PCSK6: variants seen among roughly 807,000 people sequenced by gnomAD.
PCSK6 encodes the protein proprotein convertase subtilisin/kexin type 6.
Under a neutral mutation model 123.3 loss-of-function variants are expected in PCSK6, and 85 were observed. That is an observed-to-expected ratio of 0.69 (90% CI 0.58 to 0.83). The LOEUF is 0.83. Ranked by LOEUF, PCSK6 falls within the 40% of genes least tolerant of loss-of-function variation. The pLI is 0.00. For synonymous variants in PCSK6, 508 were observed against 516.0 expected (o/e 0.98, Z 0.21); for missense variants, 1,191 against 1,282.3 (o/e 0.93, Z 1.09).
chr15:101,401,055 T>C (rs1207462051), intron 6 of PCSK6, among the ~76,000 whole-genome samples: 1 of 152,206 alleles, frequency 6.6e-6, no homozygotes, highest in Non-Finnish European at 1.5e-5. Flanking sequence ...GGGCTCGGCA[T>C]GTTGACCTTA....
rs2039698970 is a variant in PCSK6, at chr15:101,305,336, C to G, written c.2832G>C (p.Glu944Asp). 6.2e-7 allele frequency: 1 copy of G among 1,612,612 alleles called. No individual in the cohort carries two copies. The highest frequency in any genetic ancestry group is 1.3e-5 in the African/African-American group (1 of 74,930). Residue 944 changes from glutamate (E) to aspartate (D), a missense_variant, in exon 22 of 22, where the codon GAG (glutamate) becomes GAC (aspartate). This residue lies in a region of PCSK6 where 630 missense variants were observed against 631.4 expected (regional missense o/e 1.00). Coordinates refer to ENST00000611716, the MANE Select transcript of PCSK6 (RefSeq NM_002570.5). The surrounding 1 kb of genome is among the most constrained non-coding windows in gnomAD (Gnocchi z 4.8). ...CGCACAGCCGGTTGGACTTCACCAT[C>G]TCGCAGAATGTCTCGTCAGCTGGGG... ...TCSNADETFC[E>D]MVKSNRLCER... is the part of the protein sequence containing the mutation.
At position 101,330,350 on chromosome 15, in the gene PCSK6, G is replaced by A. The variant is rs187919123; in HGVS notation, c.2077+1301C>T. Among the ~76,000 whole-genome samples the A allele has an allele frequency of 1.1e-3, 164 of 152,316 alleles. 1 individual carries two copies. The highest frequency in any genetic ancestry group is 3.7e-3 in the African/African-American group (152 of 41,572). ...TGGCAACTGCTCTCTTGCCCAAAGAGTCCAGGTGCAGCCTCCACTGGCCTG... is the reference window on the plus strand; with the variant it reads ...TGGCAACTGCTCTCTTGCCCAAAGAATCCAGGTGCAGCCTCCACTGGCCTG... On this transcript the variant is annotated intron_variant, in intron 15 of 21. Coordinates refer to ENST00000611716, the MANE Select transcript of PCSK6 (RefSeq NM_002570.5).
At chr15:101,467,211 C>T (rs1261406563) in intron 1 of PCSK6, among the ~76,000 whole-genome samples, 1 of 152,020 alleles carries the variant, frequency 6.6e-6, no homozygotes, top group Non-Finnish European at 1.5e-5. Context: ...AGGCACACAC[C>T]CCAAAGAAAC....
At chr15:101,316,944 C>G (rs969241605) in intron 19 of PCSK6, among the ~76,000 whole-genome samples, 1 of 121,608 alleles carries the variant, frequency 8.2e-6, no homozygotes, top group African/African-American at 3.9e-5. Context: ...GAGTCTTACT[C>G]TGTCGCCCAG....
At chr15:101,408,166 G>T (rs1488795845) in intron 6 of PCSK6, among the ~76,000 whole-genome samples, 1 of 152,214 alleles carries the variant, frequency 6.6e-6, no homozygotes, top group Admixed American at 6.5e-5. Context: ...AGTACGGCAA[G>T]GAACCCTAGA....
chr15:101,398,883 C>CTATTATTATTATTAT lies in PCSK6; in HGVS notation c.824-322_824-308dup, dbSNP rs199661913. 5.4e-3 allele frequency among the ~76,000 whole-genome samples: 819 copies of CTATTATTATTATTAT among 150,670 alleles called. 11 individuals carry two copies. The highest frequency in any genetic ancestry group is 0.019 in the African/African-American group (780 of 40,848). On this transcript the variant is annotated intron_variant, in intron 6 of 21. Transcript: ENST00000611716. The surrounding 1 kb of genome is among the most constrained non-coding windows in gnomAD (Gnocchi z 4.6). ...TGTTTTTTATTTTAAAAAACAAGAC[C>CTATTATTATTATTAT]TATTATTATTATTATTATTATTTAT...
chr15:101,336,094 G>A (rs1012876832), intron 13 of PCSK6, among the ~76,000 whole-genome samples: 4 of 152,214 alleles, frequency 2.6e-5, no homozygotes, highest in African/African-American at 9.7e-5. Flanking sequence ...CACAAATAGT[G>A]CTCTATCCTT....
chr15:101,479,404 C>G (rs2057812733), intron 1 of PCSK6, among the ~76,000 whole-genome samples: 1 of 152,228 alleles, frequency 6.6e-6, no homozygotes, highest in African/African-American at 2.4e-5. Flanking sequence ...TCTGAAGAAT[C>G]CTACGGATGG....
intron 12 of PCSK6, among the ~76,000 whole-genome samples, chr15:101,370,078 CT>C (rs1203165889): frequency 1.3e-5 from 2 of 152,240 alleles, no homozygotes; most frequent in African/African-American, 4.8e-5. Context: ...AACAACAACT[CT>C]TTTGTCACTT....
Position 101,354,155 on chromosome 15 carries a change from T to G in PCSK6, c.1858+12041A>C, listed in dbSNP as rs137980736. 9.9e-4 allele frequency among the ~76,000 whole-genome samples: 150 copies of G among 152,100 alleles called. 1 individual carries two copies. The highest frequency in any genetic ancestry group is 3.4e-3 in the African/African-American group (143 of 41,504). On this transcript the variant is annotated intron_variant, in intron 13 of 21. Transcript: ENST00000611716. ...GTCTTGAAAAGGAAGCATAAGCCAA[T>G]ATGCACCACACACATACACACACCC...
chr15:101,429,887 G>A (rs551362892), intron 5 of PCSK6, 100 bp downstream of exon 5: 56 of 1,029,594 alleles, frequency 5.4e-5, no homozygotes, highest in African/African-American at 2.7e-4. Context: ...GGGAAGATAC[G>A]CCGGCAGCCA....
In PCSK6 at chr15:101,446,038, C is replaced by A. The variant is rs1295192306; in HGVS notation, c.298-2378G>T. Among the ~76,000 whole-genome samples, 4 of 152,254 alleles carry A rather than the reference C, an allele frequency of 2.6e-5. No individual in the cohort carries two copies. In the East Asian group the frequency reaches 7.7e-4, roughly 29 times the overall value. On this transcript the variant is annotated intron_variant, in intron 1 of 21. Coordinates refer to ENST00000611716, the MANE Select transcript of PCSK6 (RefSeq NM_002570.5). ...ATGTCAACTGTTCTCCACGAACGATCCAGGAAAGGCACAGACAGTCCCCAG... is the reference window on the plus strand; with the variant it reads ...ATGTCAACTGTTCTCCACGAACGATACAGGAAAGGCACAGACAGTCCCCAG...
intron 1 of PCSK6, among the ~76,000 whole-genome samples, chr15:101,469,590 C>T (rs146301978): frequency 4.6e-5 from 7 of 152,278 alleles, no homozygotes; most frequent in Non-Finnish European, 1.0e-4. Flanking sequence ...GCACGAGCCC[C>T]GAAGAACATG....
chr15:101,428,649 C>T (rs1009332733), intron 5 of PCSK6, among the ~76,000 whole-genome samples: 1 of 152,220 alleles, frequency 6.6e-6, no homozygotes, highest in African/African-American at 2.4e-5. Flanking sequence ...TCAGTTCCTC[C>T]AGCGGGGGCC....
chr15:101,469,611 G>A (rs559743281), intron 1 of PCSK6, among the ~76,000 whole-genome samples: 2 of 152,338 alleles, frequency 1.3e-5, no homozygotes, highest in East Asian at 1.9e-4. Context: ...CCAGGCAGGC[G>A]AAGGACTGAG....
intron 20 of PCSK6, among the ~76,000 whole-genome samples, chr15:101,309,929 G>C (rs1054147958): frequency 1.3e-5 from 2 of 152,092 alleles, no homozygotes; most frequent in Non-Finnish European, 2.9e-5. Context: ...CTCAGCGTCG[G>C]GCCTCGGCTT....
rs1187125265 is a variant in PCSK6 at position 101,358,622 on chromosome 15, T to C, written c.1858+7574A>G. ...CAAAATGCATCGGAGACATGTCTGT[T>C]AGGATACGCAGACCTCCCATTTTGA... On this transcript the variant is annotated intron_variant, in intron 13 of 21. Transcript: ENST00000611716. 2.0e-5 allele frequency among the ~76,000 whole-genome samples: 3 copies of C among 152,192 alleles called. No individual in the cohort carries two copies. The East Asian group carries it at 5.8e-4, about 29-fold the overall frequency.
At chr15:101,321,015 AC>A (rs1366776312) in intron 18 of PCSK6, among the ~76,000 whole-genome samples, 1 of 152,096 alleles carries the variant, frequency 6.6e-6, no homozygotes, top group African/African-American at 2.4e-5. Context: ...ATTCCCGGGG[AC>A]CCCTCAGCAC....
intron 1 of PCSK6, among the ~76,000 whole-genome samples, chr15:101,446,506 C>G (rs1385665602): frequency 6.6e-6 from 1 of 152,110 alleles, no homozygotes; most frequent in Admixed American, 6.5e-5. Context: ...ATATATCCAC[C>G]TACCGTTTTT....
Sources: allele counts gnomAD v4.1 joint callset (sites outside exome capture counted in the v4.1 genomes callset), GRCh38; gene constraint gnomAD v4.1.1; regional missense constraint gnomAD v4.1.1; non-coding constraint Gnocchi (gnomAD v3.1); transcripts MANE v1.5; gene names NCBI Gene and HGNC (gene_info 2026-07-23, HGNC 2026-07-21).